The following DCDC1 variants were observed in gnomAD, a reference collection of about 807,000 sequenced individuals.
DCDC1 encodes doublecortin domain-containing protein 1.
A neutral mutation model predicts 178.3 loss-of-function variants in DCDC1; 200 were observed. That is an observed-to-expected ratio of 1.12 (90% CI 1.00 to 1.26). The LOEUF is 1.26. Among genes scored for constraint, DCDC1 ranks in the 50% most tolerant of loss-of-function variants. The pLI, the probability that DCDC1 is intolerant of heterozygous loss-of-function variation, is 0.00. For missense variants in DCDC1, 1,983 were observed against 1,749.2 expected (o/e 1.13, Z -2.38); for synonymous variants, 690 against 604.8 (o/e 1.14, Z -2.07).
intron 36 of DCDC1, among the ~76,000 whole-genome samples, chr11:30,886,263 T>C (rs1414686789): frequency 3.3e-5 from 5 of 152,140 alleles, no homozygotes; most frequent in Non-Finnish European, 7.4e-5. Context: ...GTTTCCTAAA[T>C]AGAAAACAGA....
intron 17 of DCDC1, among the ~76,000 whole-genome samples, chr11:31,085,652 T>C (rs952265065): frequency 1.3e-5 from 2 of 152,098 alleles, no homozygotes; most frequent in African/African-American, 4.8e-5. Context: ...TTGAGTTATT[T>C]CTAGTTTTTT....
At chr11:30,959,494 C>T (rs988681128) in intron 20 of DCDC1, among the ~76,000 whole-genome samples, 39 of 152,112 alleles carry the variant, frequency 2.6e-4, no homozygotes, top group African/African-American at 9.4e-4. Flanking sequence ...GGCTTTGGCA[C>T]AGCTTCCTTC....
In DCDC1 at chr11:31,290,758, AG is replaced by A. The variant is rs1365283774; in HGVS notation, c.848del (p.Ser283LeufsTer4). ...IKRRKTKPVL[S>X]IRMKKLTERT... The stretch of plus-strand genomic sequence containing the variant: ...TCTCAGTAAGTTTCTTCATTCTAAT[AG>A]AAAGAACAGGCTTGGTTTTCCGTCT... On this transcript the variant is annotated frameshift_variant, in exon 7 of 39. Transcript: ENST00000684477. LOFTEE classifies it high-confidence loss of function. 1 of 1,613,418 alleles carries A rather than the reference AG, an allele frequency of 6.2e-7. No homozygotes were observed. The highest frequency in any genetic ancestry group is 8.5e-7 in the Non-Finnish European group (1 of 1,179,606).
intron 9 of DCDC1, among the ~76,000 whole-genome samples, chr11:31,230,945 G>A (rs1321127825): frequency 6.6e-6 from 1 of 151,644 alleles, no homozygotes; most frequent in African/African-American, 2.4e-5. Context: ...TAACATTCAG[G>A]AAGTTATGAA....
chr11:31,060,528 A>T (rs1955851312), intron 20 of DCDC1, among the ~76,000 whole-genome samples: 1 of 152,128 alleles, frequency 6.6e-6, no homozygotes, highest in Non-Finnish European at 1.5e-5. Flanking sequence ...TCTGAAGTTT[A>T]TATTTTTAGA....
chr11:30,977,535 T>C (rs1950168208), intron 20 of DCDC1, among the ~76,000 whole-genome samples: 1 of 152,230 alleles, frequency 6.6e-6, no homozygotes, highest in Non-Finnish European at 1.5e-5. Context: ...ATGTTTCTTC[T>C]AGTTTTTAAA....
chr11:30,943,479 T>G (rs1947802036), intron 21 of DCDC1: 1 of 323,594 alleles, frequency 3.1e-6, no homozygotes, highest in Admixed American at 4.1e-5. Flanking sequence ...ATTTAGATAC[T>G]TTAAAATAAC....
intron 20 of DCDC1, chr11:30,992,462 A>T (rs913980196): frequency 1.3e-5 from 2 of 152,196 alleles, no homozygotes; most frequent in African/African-American, 2.4e-5. Context: ...TACCAACCTG[A>T]CTTTTCATAT....
intron 20 of DCDC1, among the ~76,000 whole-genome samples, chr11:31,045,923 C>A (rs539646630): frequency 6.6e-6 from 1 of 152,282 alleles, no homozygotes; most frequent in African/African-American, 2.4e-5. Flanking sequence ...TAATATCTTA[C>A]ACAAATACGG....
intron 9 of DCDC1, among the ~76,000 whole-genome samples, chr11:31,150,524 GTCTT>G (rs1241736107): frequency 2.5e-4 from 38 of 152,162 alleles, no homozygotes; most frequent in African/African-American, 8.9e-4. Flanking sequence ...TAGTATAACC[GTCTT>G]TCTTTTTAAT....
At chr11:31,140,192 C>T (rs1416579232) in intron 9 of DCDC1, among the ~76,000 whole-genome samples, 2 of 152,120 alleles carry the variant, frequency 1.3e-5, no homozygotes, top group African/African-American at 4.8e-5. Flanking sequence ...TTTCGATTTG[C>T]TGTTCTTATC....
chr11:30,918,810 A>G (rs946694600), intron 25 of DCDC1, among the ~76,000 whole-genome samples: 9 of 152,224 alleles, frequency 5.9e-5, no homozygotes, highest in Admixed American at 5.2e-4. Flanking sequence ...GAAATGAGAA[A>G]GTTTCCCCCA....
At chr11:31,159,017 C>CA (rs1268917867) in intron 9 of DCDC1, among the ~76,000 whole-genome samples, 12 of 151,192 alleles carry the variant, frequency 7.9e-5, no homozygotes, top group South Asian at 6.3e-4. Context: ...AAAAAAAATA[C>CA]AAAAAAACCC....
chr11:31,286,829 T>C (rs1005884781), intron 7 of DCDC1, among the ~76,000 whole-genome samples: 1 of 152,158 alleles, frequency 6.6e-6, no homozygotes, highest in South Asian at 2.1e-4. Context: ...AGAGTAGACA[T>C]GAGATTTGCT....
intron 20 of DCDC1, among the ~76,000 whole-genome samples, chr11:31,034,143 C>CAAAA (rs11439632): frequency 2.9e-5 from 3 of 102,108 alleles, no homozygotes; most frequent in African/African-American, 1.1e-4. Context: ...GGCTCTGTCT[C>CAAAA]AAAAAAAAAA....
intron 17 of DCDC1, among the ~76,000 whole-genome samples, chr11:31,082,842 G>C (rs1037070665): frequency 6.6e-6 from 1 of 152,132 alleles, no homozygotes; most frequent in Admixed American, 6.6e-5. Context: ...GTCTACCAAT[G>C]CTACCCGGGC....
intron 18 of DCDC1, among the ~76,000 whole-genome samples, chr11:31,075,252 T>C (rs569115206): frequency 1.3e-5 from 2 of 152,348 alleles, no homozygotes; most frequent in South Asian, 4.1e-4. Context: ...TGAATAATAT[T>C]CCACTGTATA....
At chr11:31,271,349 T>C (rs1200724017) in intron 7 of DCDC1, among the ~76,000 whole-genome samples, 4 of 152,216 alleles carry the variant, frequency 2.6e-5, no homozygotes, top group African/African-American at 9.6e-5. Flanking sequence ...TTCTCTCTCA[T>C]GTATATTCAT....
At chr11:31,153,592 G>A (rs1400808680) in intron 9 of DCDC1, among the ~76,000 whole-genome samples, 1 of 152,006 alleles carries the variant, frequency 6.6e-6, no homozygotes, top group East Asian at 1.9e-4. Flanking sequence ...AGACCAGCCT[G>A]GCCAACATGG....
Sources: allele counts gnomAD v4.1 joint callset (sites outside exome capture counted in the v4.1 genomes callset), GRCh38; gene constraint gnomAD v4.1.1; transcripts MANE v1.5; gene names NCBI Gene and HGNC (gene_info 2026-07-23, HGNC 2026-07-21).